The following OR11A1 variants were observed in gnomAD, a reference collection of about 807,000 sequenced individuals.
The protein encoded by OR11A1 is olfactory receptor family 11 subfamily A member 1, also known as olfactory receptor 11A1.
For synonymous variants in OR11A1, 158 were observed against 152.2 expected (o/e 1.04, Z -0.28); for missense variants, 380 against 378.2 (o/e 1.00, Z -0.04).
At chr6:29,437,686 G>T (rs1162600542) in intron 1 of OR11A1, among the ~76,000 whole-genome samples, 1 of 152,130 alleles carries the variant, frequency 6.6e-6, no homozygotes, top group African/African-American at 2.4e-5. Flanking sequence ...ATATGGATTT[G>T]TCTGACTGTT....
At chr6:29,455,511 G>C (rs1785998329) in intron 1 of OR11A1, among the ~76,000 whole-genome samples, 1 of 152,140 alleles carries the variant, frequency 6.6e-6, no homozygotes, top group African/African-American at 2.4e-5. Context: ...ATTATATACT[G>C]GAAATTTCTA....
chr6:29,429,787 G>A (rs1185302746), intron 3 of OR11A1, among the ~76,000 whole-genome samples: 1 of 152,142 alleles, frequency 6.6e-6, no homozygotes, highest in East Asian at 1.9e-4. Context: ...GTGAAGAATG[G>A]GGGAAGACAG....
In OR11A1 at chr6:29,439,862, C is replaced by T. The variant is rs78212433; in HGVS notation, c.-388-7875G>A. On this transcript the variant is annotated intron_variant, in intron 1 of 4. Coordinates refer to ENST00000377149, the MANE Select transcript of OR11A1 (RefSeq NM_001394828.1). ...GGAATATGGACTCCAGGCAAGGCTG[C>T]CTAATTTCAAAGTCCATGATATTCT... 5.5e-3 allele frequency: 3,450 copies of T among 632,520 alleles called. 87 individuals carry two copies. The highest frequency in any genetic ancestry group is 0.053 in the African/African-American group (2,915 of 54,542). 39.2% of individuals were successfully genotyped at this position (632,520 alleles called of 1,614,324 possible). A position where few individuals can be genotyped will look rare whatever the true frequency, so the allele number is the denominator to read the frequency against.
At chr6:29,444,493 C>T (rs1157537127) in intron 1 of OR11A1, among the ~76,000 whole-genome samples, 1 of 152,184 alleles carries the variant, frequency 6.6e-6, no homozygotes, top group Non-Finnish European at 1.5e-5. Flanking sequence ...TCAATTTCAT[C>T]ATCAATAAAC....
intron 1 of OR11A1, among the ~76,000 whole-genome samples, chr6:29,447,054 T>G (rs16894930): frequency 0.039 from 5,943 of 152,284 alleles, 275 homozygotes; most frequent in African/African-American, 0.11. Context: ...AACTGGAACT[T>G]ATCATCCAGA....
intron 1 of OR11A1, among the ~76,000 whole-genome samples, chr6:29,435,378 C>T (rs1451251717): frequency 6.6e-6 from 1 of 152,162 alleles, no homozygotes; most frequent in East Asian, 1.9e-4. Flanking sequence ...AGTTTGACAA[C>T]CATTTATGTT....
At chr6:29,456,847 G>A (rs1441586760) in intron 1 of OR11A1, 140 bp downstream of exon 1, 1 of 152,154 alleles carries the variant, frequency 6.6e-6, no homozygotes, top group African/African-American at 2.4e-5. Context: ...TTCTAGCTTA[G>A]GATCTTTCTT....
At chr6:29,434,235 G>T (rs187813547) in intron 1 of OR11A1, among the ~76,000 whole-genome samples, 371 of 152,156 alleles carry the variant, frequency 2.4e-3, no homozygotes, top group Middle Eastern at 0.01. Context: ...AAGAAATCTT[G>T]CCCATACCAA....
intron 1 of OR11A1, among the ~76,000 whole-genome samples, chr6:29,434,171 C>G (rs1341054934): frequency 6.6e-6 from 1 of 152,128 alleles, no homozygotes; most frequent in Non-Finnish European, 1.5e-5. Flanking sequence ...TAATTTGATG[C>G]AATCCCATTT....
rs747972434 is a variant in OR11A1 at position 29,427,086 on chromosome 6, C to T, written c.556G>A (p.Val186Met). 5.6e-6 allele frequency: 9 copies of T among 1,612,452 alleles called. No individual in the cohort carries two copies. Among genetic ancestry groups the T allele is most frequent in the South Asian group, 2.2e-5 (2 of 91,064 alleles). Residue 186 changes from valine to methionine, a missense_variant, in exon 5 of 5, where the codon GTG (valine) becomes ATG (methionine). Physicochemically the swap from Val to Met is conservative, Grantham distance 21. Coordinates refer to ENST00000377149, the MANE Select transcript of OR11A1 (RefSeq NM_001394828.1). ...DQFYCDFMLF[V>M]GLACSDPRVA... is the part of the protein sequence containing the mutation. ...CTGGGATCCGAGCAAGCCAGGCCCA[C>T]GAAAAGCATAAAGTCACAGTAAAAC...
intron 1 of OR11A1, among the ~76,000 whole-genome samples, chr6:29,441,436 C>A (rs1784182082): frequency 6.6e-6 from 1 of 152,090 alleles, no homozygotes; most frequent in Non-Finnish European, 1.5e-5. Flanking sequence ...GGAGTGGCCA[C>A]AAAAGTTTCA....
intron 1 of OR11A1, among the ~76,000 whole-genome samples, chr6:29,452,768 A>G (rs1209502692): frequency 1.3e-5 from 2 of 152,192 alleles, no homozygotes; most frequent in Admixed American, 1.3e-4. Flanking sequence ...AAAAAAGGAT[A>G]AAGGAAGTTT....
At position 29,453,228 on chromosome 6, in the gene OR11A1, T is replaced by C. The variant is rs928994767; in HGVS notation, c.-389+3759A>G. Among the ~76,000 whole-genome samples the C allele has an allele frequency of 2.7e-5, 4 of 150,336 alleles. No individual in the cohort carries two copies. The highest frequency in any genetic ancestry group is 9.7e-5 in the African/African-American group (4 of 41,228). ...TAATATATATACATTAAAAATAAAA[T>C]TCACCAGATATGGTGAATTAAAGAG... On this transcript the variant is annotated intron_variant, in intron 1 of 4. Transcript: ENST00000377149. This position sits in a 1 kb window ranked among gnomAD's most constrained non-coding sequence, Gnocchi z 4.5.
At chr6:29,437,071 C>A (rs1191541325) in intron 1 of OR11A1, among the ~76,000 whole-genome samples, 1 of 152,226 alleles carries the variant, frequency 6.6e-6, no homozygotes, top group Non-Finnish European at 1.5e-5. Flanking sequence ...GAAATAGGAA[C>A]ACTTTTACGC....
chr6:29,427,723 G>A lies in OR11A1; in HGVS notation c.-82C>T, dbSNP rs535010769. 1.2e-5 allele frequency: 18 copies of A among 1,495,306 alleles called. No individual in the cohort carries two copies. The highest frequency in any genetic ancestry group is 1.1e-4 in the South Asian group (8 of 71,148). 92.6% of individuals were successfully genotyped at this position (1,495,306 alleles called of 1,614,324 possible). On this transcript the variant is annotated 5_prime_UTR_variant, in exon 5 of 5. It adds an upstream start codon to the 5' untranslated region. Coordinates refer to ENST00000377149, the MANE Select transcript of OR11A1 (RefSeq NM_001394828.1). ...CTGCATCTTCTATACCAAGCCTAAC[G>A]TTATTAGAGCTAAAACAAAACAAAA...
chr6:29,450,251 C>T (rs1480046751), intron 1 of OR11A1: 1 of 152,304 alleles, frequency 6.6e-6, no homozygotes, highest in Non-Finnish European at 1.5e-5. Context: ...CATGCAGCCT[C>T]CCTCTTAGGC....
chr6:29,433,547 C>A (rs1247950320), intron 1 of OR11A1, among the ~76,000 whole-genome samples: 2 of 152,114 alleles, frequency 1.3e-5, no homozygotes, highest in Non-Finnish European at 2.9e-5. Flanking sequence ...TTCCACTATG[C>A]ATATATACCA....
chr6:29,440,002 G>A lies in OR11A1; in HGVS notation c.-388-8015C>T. ...CCATTTCTTTTGTCTTCCAGTCAAA[G>A]GTATGCAGGCAGGATGAGTGCAAAC... is the stretch of plus-strand genomic sequence containing the variant. On this transcript the variant is annotated intron_variant, in intron 1 of 4. Transcript: ENST00000377149. 6.2e-6 allele frequency: 10 copies of A among 1,602,988 alleles called. 1 individual carries two copies. In the Middle Eastern group the frequency reaches 1.5e-3, roughly 240 times the overall value.
intron 1 of OR11A1, among the ~76,000 whole-genome samples, chr6:29,441,186 T>C (rs1784161478): frequency 1.3e-5 from 2 of 152,204 alleles, no homozygotes; most frequent in South Asian, 2.1e-4. Flanking sequence ...GGATGGAGGA[T>C]CAATTTCAGA....
Sources: gnomAD v4.1 joint callset for allele counts (sites outside exome capture counted in the v4.1 genomes callset) on GRCh38, gnomAD v4.1.1 for gene constraint, Gnocchi (gnomAD v3.1) non-coding constraint, MANE v1.5 for transcripts, NCBI Gene and HGNC (gene_info 2026-07-23, HGNC 2026-07-21) for gene names.